RABGAP1: variants seen among roughly 807,000 people sequenced by gnomAD.
RABGAP1 encodes RAB GTPase activating protein 1.
Under a neutral mutation model 137.6 loss-of-function variants are expected in RABGAP1, and 23 were observed. The observed-to-expected ratio is 0.17, with a 90% CI of 0.12 to 0.24. The LOEUF (loss-of-function observed/expected upper bound fraction) is 0.24, where lower values mean the gene tolerates loss of function less well. Among genes scored for constraint, RABGAP1 ranks in the 10% least tolerant of loss-of-function variants. The probability of loss-of-function intolerance (pLI) is 1.00; values close to 1 mark genes in which losing one functional copy is unlikely to be tolerated. For synonymous variants in RABGAP1, 451 were observed against 450.7 expected (o/e 1.00, Z -0.01); for missense variants, 906 against 1,275.8 (o/e 0.71, Z 4.42).
At chr9:122,991,323 A>G (rs1836710600) in intron 6 of RABGAP1, among the ~76,000 whole-genome samples, 1 of 152,276 alleles carries the variant, frequency 6.6e-6, no homozygotes, top group East Asian at 1.9e-4. Flanking sequence ...CAGTAATTGC[A>G]TGTAGAAGTC....
chr9:123,058,332 A>G (rs1176339724), intron 13 of RABGAP1, among the ~76,000 whole-genome samples: 1 of 152,006 alleles, frequency 6.6e-6, no homozygotes, highest in Non-Finnish European at 1.5e-5. Context: ...TTAGCAAAAA[A>G]AAATTTTTCT....
At chr9:123,069,941 CA>C (rs777739618) in intron 14 of RABGAP1, among the ~76,000 whole-genome samples, 5 of 152,066 alleles carry the variant, frequency 3.3e-5, no homozygotes, top group Non-Finnish European at 5.9e-5. Flanking sequence ...GCATGTATAG[CA>C]GGTGCCATAG....
chr9:122,992,447 TG>T (rs1836780105), intron 6 of RABGAP1, among the ~76,000 whole-genome samples: 1 of 152,116 alleles, frequency 6.6e-6, no homozygotes, highest in African/African-American at 2.4e-5. Flanking sequence ...CCCTTCCTTC[TG>T]AAATCAGGCA....
At chr9:123,085,488 T>C (rs35426790) in intron 19 of RABGAP1, among the ~76,000 whole-genome samples, 4,147 of 152,304 alleles carry the variant, frequency 0.027, 74 homozygotes, top group Non-Finnish European at 0.045. Context: ...AGGCTTCTTT[T>C]CCCCCAACAA....
At position 123,076,728 on chromosome 9, in the gene RABGAP1, C is replaced by A; in HGVS notation, c.2390C>A (p.Ala797Glu). 1.3e-6 allele frequency: 2 copies of A among 1,598,012 alleles called. No individual in the cohort carries two copies. Among genetic ancestry groups the A allele is most frequent in the Non-Finnish European group, 8.5e-7 (1 of 1,172,452 alleles). Residue 797 changes from alanine to glutamate, a missense_variant, in exon 19 of 26, where the codon GCA becomes GAA. Transcript: ENST00000373647. ...LPKRYRSEEN[A>E]KKLMELACNM... ...AAGAGATACCGCTCAGAAGAAAATG[C>A]AAAAAAACTAATGGAATTAGCCTGC...
At chr9:123,095,399 C>T (rs180895048) in intron 21 of RABGAP1, among the ~76,000 whole-genome samples, 3 of 152,150 alleles carry the variant, frequency 2.0e-5, no homozygotes, top group Admixed American at 6.5e-5. Context: ...CTAAAATAAG[C>T]ATTTAAAGTT....
intron 10 of RABGAP1, among the ~76,000 whole-genome samples, chr9:123,002,398 G>T (rs1364802920): frequency 1.4e-5 from 2 of 148,092 alleles, no homozygotes; most frequent in East Asian, 3.9e-4. Flanking sequence ...CCTGAGAATA[G>T]TTATATAATA....
At chr9:123,063,283 T>G (rs1166705916) in intron 13 of RABGAP1, 1 of 152,900 alleles carries the variant, frequency 6.5e-6, no homozygotes, top group Non-Finnish European at 1.5e-5. Flanking sequence ...GAGCTTCTGT[T>G]GTTGTTTTAT....
rs140893205 is a variant in RABGAP1, at chr9:123,032,475, C to T, written c.1794+12016C>T. ...AGGTTTTTTATTTTGGGGCTATGGC[C>T]GCGTCTGGGACTGGCCAGACAACTG... On this transcript the variant is annotated intron_variant, in intron 13 of 25. Coordinates refer to ENST00000373647, the MANE Select transcript of RABGAP1 (RefSeq NM_012197.4). 9.7e-3 allele frequency among the ~76,000 whole-genome samples: 1,481 copies of T among 152,218 alleles called. 29 individuals carry two copies. Among genetic ancestry groups the T allele is most frequent in the African/African-American group, 0.034 (1,397 of 41,506 alleles).
intron 2 of RABGAP1, among the ~76,000 whole-genome samples, chr9:122,975,064 C>T (rs1835692611): frequency 6.6e-6 from 1 of 152,174 alleles, no homozygotes; most frequent in African/African-American, 2.4e-5. Flanking sequence ...TCAGCTTTTA[C>T]ACTGAAGCTC....
At chr9:123,041,586 TA>T (rs754387372) in intron 13 of RABGAP1, among the ~76,000 whole-genome samples, 71 of 152,076 alleles carry the variant, frequency 4.7e-4, no homozygotes, top group Non-Finnish European at 8.2e-4. Flanking sequence ...AACTCCACTA[TA>T]AAGAATAGCA....
In RABGAP1 at chr9:123,010,423, G is replaced by C; in HGVS notation, c.1444G>C (p.Glu482Gln). Reference sequence around the variant, plus strand: ...AGTTGTATGCTTGGAAAGTGAATCAGAAAGAGAGAGGAGGAAAACTACAGC... The same window carrying C: ...AGTTGTATGCTTGGAAAGTGAATCACAAAGAGAGAGGAGGAAAACTACAGC... ...YEVVCLESES[E>Q]RERRKTTASP... The change falls in exon 11 of 26, where the codon GAA becomes CAA. Residue 482 changes from glutamate (E) to glutamine (Q), a missense_variant. This residue lies in a region of RABGAP1 where 212 missense variants were observed against 289.4 expected (regional missense o/e 0.73). Transcript: ENST00000373647. The C allele has an allele frequency of 6.2e-7, 1 of 1,613,618 alleles. No individual in the cohort carries two copies. The highest frequency in any genetic ancestry group is 1.1e-5 in the South Asian group (1 of 91,048).
intron 9 of RABGAP1, among the ~76,000 whole-genome samples, 187 bp from the exon 10 acceptor site, chr9:122,998,410 A>G (rs904794254): frequency 2.0e-5 from 3 of 152,242 alleles, no homozygotes; most frequent in African/African-American, 7.2e-5. Context: ...TTACTTTAAA[A>G]TAATTCTCAA....
chr9:122,997,575 C>G (rs557299584), intron 9 of RABGAP1, among the ~76,000 whole-genome samples: 1 of 84,504 alleles, frequency 1.2e-5, no homozygotes, highest in Admixed American at 1.1e-4. Flanking sequence ...TTTCCTTCCC[C>G]TCTTTCTTTT....
intron 13 of RABGAP1, among the ~76,000 whole-genome samples, chr9:123,030,244 TGTTGCTCTGATGGCA>T (rs1266407451): frequency 2.0e-5 from 3 of 152,212 alleles, no homozygotes. Flanking sequence ...TCTGAAGGAA[TGTTGCTCTGATGGCA>T]TAAGAACAAG....
intron 12 of RABGAP1, among the ~76,000 whole-genome samples, chr9:123,019,499 A>G (rs1304658012): frequency 6.6e-6 from 1 of 151,932 alleles, no homozygotes; most frequent in Non-Finnish European, 1.5e-5. Context: ...TTTTCTGTAG[A>G]CACGGGGTTC....
intron 9 of RABGAP1, 35 bp from the exon 10 acceptor site, chr9:122,998,562 A>T: frequency 7.1e-7 from 1 of 1,413,948 alleles, no homozygotes; most frequent in Non-Finnish European, 9.5e-7. Flanking sequence ...TGTGTTTCTG[A>T]TTTACCTCTT....
intron 19 of RABGAP1, among the ~76,000 whole-genome samples, chr9:123,078,337 G>A (rs1013825675): frequency 2.6e-5 from 4 of 151,784 alleles, no homozygotes; most frequent in Non-Finnish European, 4.4e-5. Context: ...TAGGTATTAC[G>A]GCTAACAGTT....
In RABGAP1 at chr9:122,989,410, A is replaced by G; in HGVS notation, c.704A>G (p.Glu235Gly). The G allele has an allele frequency of 6.2e-7, 1 of 1,614,098 alleles. No homozygotes were observed. The highest frequency in any genetic ancestry group is 8.5e-7 in the Non-Finnish European group (1 of 1,180,006). The change falls in exon 5 of 26, where the codon GAA becomes GGA. Residue 235 changes from glutamate to glycine, a missense_variant. Around this residue, in one of 9 missense-constraint regions of RABGAP1, gnomAD observed 331 missense variants for 358.3 expected, o/e 0.92. Coordinates refer to ENST00000373647, the MANE Select transcript of RABGAP1 (RefSeq NM_012197.4). ...GAGAGTGACTGTTTTGCTTTCACTG[A>G]AAGTCATTACAATGCAGAGCTCTTC... ...TPESDCFAFTESHYNAELFRI... is the reference protein window; with the variant it reads ...TPESDCFAFTGSHYNAELFRI...
Sources: gnomAD v4.1 joint callset for allele counts (sites outside exome capture counted in the v4.1 genomes callset) on GRCh38, gnomAD v4.1.1 for gene constraint, gnomAD v4.1.1 regional missense constraint, MANE v1.5 for transcripts, NCBI Gene and HGNC (gene_info 2026-07-23, HGNC 2026-07-21) for gene names.